TMEM221: variants seen among roughly 807,000 people sequenced by gnomAD.
TMEM221 encodes the protein Putative transmembrane protein ENSP00000342162.
Under a neutral mutation model 10.2 loss-of-function variants are expected in TMEM221, and 11 were observed. The ratio of observed to expected loss-of-function variants is 1.08; its 90% CI spans 0.68 to 1.79. The LOEUF (loss-of-function observed/expected upper bound fraction) is 1.79, where lower values mean the gene tolerates loss of function less well. Among genes scored for constraint, TMEM221 ranks in the 40% most tolerant of loss-of-function variants. TMEM221 has a pLI of 0.00. For missense variants in TMEM221, 382 were observed against 417.7 expected (o/e 0.91, Z 0.75); for synonymous variants, 172 against 199.8 (o/e 0.86, Z 1.18).
intron 2 of TMEM221, among the ~76,000 whole-genome samples, chr19:17,438,995 C>G (rs1453871375): frequency 6.6e-6 from 1 of 150,478 alleles, no homozygotes; most frequent in African/African-American, 2.4e-5. Context: ...ATCACAAGGT[C>G]AGGAGATCGA....
intron 2 of TMEM221, among the ~76,000 whole-genome samples, chr19:17,440,217 A>G (rs1468337391): frequency 7.3e-6 from 1 of 136,994 alleles, no homozygotes; most frequent in African/African-American, 2.7e-5. Flanking sequence ...ACTGGTTAAA[A>G]TGGTATTTTT....
intron 2 of TMEM221, among the ~76,000 whole-genome samples, chr19:17,438,974 G>A (rs1283854877): frequency 2.0e-5 from 3 of 151,322 alleles, no homozygotes; most frequent in South Asian, 2.1e-4. Context: ...TTGGGAGGCC[G>A]ACGTGGGCGG....
chr19:17,448,053 C>A lies in TMEM221; in HGVS notation c.320+90G>T. ...GGAAGTGGGGAGGGAAGCTGTCCCC[C>A]CAGCCTGAGGCCAAAAGAGGGGAAG... On this transcript the variant is annotated intron_variant, in intron 1 of 2. Coordinates refer to ENST00000341130, the MANE Select transcript of TMEM221 (RefSeq NM_001190844.2). The surrounding 1 kb of genome is among the most constrained non-coding windows in gnomAD (Gnocchi z 4.7). 1 of 1,128,530 alleles carries A rather than the reference C, an allele frequency of 8.9e-7. No individual in the cohort carries two copies. The highest frequency in any genetic ancestry group is 1.1e-6 in the Non-Finnish European group (1 of 891,406). 69.9% of individuals were successfully genotyped at this position (1,128,530 alleles called of 1,614,324 possible).
chr19:17,436,430 A>G lies in TMEM221; in HGVS notation c.*28T>C. On this transcript the variant is annotated 3_prime_UTR_variant, in exon 3 of 3. Transcript: ENST00000341130. ...TATCTCTATGGTATCCTTTTCTTAC[A>G]CCAGGTCTCTATTCCTCATCCCTGG... 1 of 1,461,838 alleles carries G rather than the reference A, an allele frequency of 6.8e-7. No individual in the cohort carries two copies. The highest frequency in any genetic ancestry group is 9.1e-7 in the Non-Finnish European group (1 of 1,102,682). 90.6% of individuals were successfully genotyped at this position (1,461,838 alleles called of 1,614,324 possible). A position where few individuals can be genotyped will look rare whatever the true frequency, so the allele number is the denominator to read the frequency against.
chr19:17,444,413 A>G (rs981239931), intron 2 of TMEM221, among the ~76,000 whole-genome samples: 1 of 151,452 alleles, frequency 6.6e-6, no homozygotes, highest in Non-Finnish European at 1.5e-5. Context: ...CACGCAGGCC[A>G]TGAAAATTTT....
intron 2 of TMEM221, among the ~76,000 whole-genome samples, chr19:17,438,976 C>T (rs1203445344): frequency 6.7e-6 from 1 of 150,326 alleles, no homozygotes; most frequent in South Asian, 2.1e-4. Context: ...GGGAGGCCGA[C>T]GTGGGCGGAT....
chr19:17,448,254 A>C lies in TMEM221; in HGVS notation c.209T>G (p.Leu70Arg). 1 of 1,276,854 alleles carries C rather than the reference A, an allele frequency of 7.8e-7. No homozygotes were observed. Among genetic ancestry groups the C allele is most frequent in the Non-Finnish European group, 9.9e-7 (1 of 1,012,874 alleles). The allele number at this position is 1,276,854 out of a possible 1,614,324, so 79.1% of individuals were successfully genotyped here. A position where few individuals can be genotyped will look rare whatever the true frequency, so the allele number is the denominator to read the frequency against. Residue 70 changes from leucine (L) to arginine (R), a missense_variant, in exon 1 of 3, where the codon CTG becomes CGG. By Grantham distance (102) the Leu-to-Arg change is moderately radical (BLOSUM62 -2). Coordinates refer to ENST00000341130, the MANE Select transcript of TMEM221 (RefSeq NM_001190844.2). This position sits in a 1 kb window ranked among gnomAD's most constrained non-coding sequence, Gnocchi z 4.7. ...PEDAAGTLLP[L>R]AAALAALVLV... is the part of the protein sequence containing the mutation. ...CACCAGCGCGGCCAGCGCGGCGGCC[A>C]GCGGCAGCAGCGTCCCGGCCGCGTC...
chr19:17,438,461 T>C (rs1477671620), intron 2 of TMEM221, among the ~76,000 whole-genome samples: 2 of 152,094 alleles, frequency 1.3e-5, no homozygotes, highest in African/African-American at 4.8e-5. Context: ...TGAGCGCAAG[T>C]GGTCCTCTAG....
chr19:17,445,459 C>T (rs2074949311), intron 1 of TMEM221, among the ~76,000 whole-genome samples, 175 bp from the exon 2 acceptor site: 1 of 152,142 alleles, frequency 6.6e-6, no homozygotes, highest in African/African-American at 2.4e-5. Context: ...CCATTTACAT[C>T]CATTTACTTA....
At position 17,436,636 on chromosome 19, in the gene TMEM221, A is replaced by G. The variant is rs1161885676; in HGVS notation, c.698T>C (p.Met233Thr). 7 of 1,536,084 alleles carry G rather than the reference A, an allele frequency of 4.6e-6. No individual in the cohort carries two copies. The highest frequency in any genetic ancestry group is 2.0e-5 in the Admixed American group (1 of 50,990). The change falls in exon 3 of 3, where the codon ATG (methionine) becomes ACG (threonine). Residue 233 changes from methionine to threonine, a missense_variant. Physicochemically the swap from Met to Thr is moderately conservative, Grantham distance 81 (BLOSUM62 -1). Coordinates refer to ENST00000341130, the MANE Select transcript of TMEM221 (RefSeq NM_001190844.2). ...GGCTGCAGGTGCTGTGGCAGTGGCC[A>G]TGGACCCAAAGGGGTCCCCAGGCTC... ...CPEPGDPFGSMATATAPAALE... is the reference protein window; with the variant it reads ...CPEPGDPFGSTATATAPAALE...
chr19:17,448,256 CG>C lies in TMEM221; in HGVS notation c.206del (p.Pro69ArgfsTer66). On this transcript the variant is annotated frameshift_variant, in exon 1 of 3. Transcript: ENST00000341130. LOFTEE classifies it high-confidence loss of function. The surrounding 1 kb of genome is among the most constrained non-coding windows in gnomAD (Gnocchi z 4.7). Reference protein sequence around the residue: ...LPEDAAGTLLPLAAALAALVL... With the variant: ...LPEDAAGTLLXLAAALAALVL... ...CCAGCGCGGCCAGCGCGGCGGCCAG[CG>C]GCAGCAGCGTCCCGGCCGCGTCCTC... The C allele has an allele frequency of 7.8e-7, 1 of 1,275,792 alleles. No homozygotes were observed. 79.0% of individuals were successfully genotyped at this position (1,275,792 alleles called of 1,614,324 possible).
At chr19:17,440,842 C>T (rs1287287150) in intron 2 of TMEM221, among the ~76,000 whole-genome samples, 3 of 152,198 alleles carry the variant, frequency 2.0e-5, no homozygotes, top group Non-Finnish European at 4.4e-5. Context: ...AGGTTTGCCA[C>T]GCCCCAGGCT....
At position 17,448,109 on chromosome 19, in the gene TMEM221, C is replaced by G. The variant is rs1164978212; in HGVS notation, c.320+34G>C. On this transcript the variant is annotated intron_variant, in intron 1 of 2. Transcript: ENST00000341130. The surrounding 1 kb of genome is among the most constrained non-coding windows in gnomAD (Gnocchi z 4.7). ...CAACCAGGCTCACCCAGCCCCCAGC[C>G]GGGCCTCCGAGGCGGTGAGGCCAGT... 7.6e-7 allele frequency: 1 copy of G among 1,319,110 alleles called. No individual in the cohort carries two copies. The highest frequency in any genetic ancestry group is 9.7e-7 in the Non-Finnish European group (1 of 1,034,756). The allele number at this position is 1,319,110 out of a possible 1,614,324, so 81.7% of individuals were successfully genotyped here.
intron 2 of TMEM221, among the ~76,000 whole-genome samples, chr19:17,443,451 G>A (rs149477222): frequency 6.6e-6 from 1 of 151,470 alleles, no homozygotes; most frequent in African/African-American, 2.4e-5. Flanking sequence ...TCAGTCTCCC[G>A]AGTAGCTGGG....
chr19:17,437,202 C>T (rs1292294500), intron 2 of TMEM221, among the ~76,000 whole-genome samples: 2 of 152,186 alleles, frequency 1.3e-5, no homozygotes, highest in Non-Finnish European at 2.9e-5. Context: ...TGGTGGGCTC[C>T]AGAGTCTGTG....
intron 2 of TMEM221, among the ~76,000 whole-genome samples, chr19:17,438,682 C>T (rs1361456816): frequency 6.6e-6 from 1 of 150,742 alleles, no homozygotes; most frequent in Non-Finnish European, 1.5e-5. Context: ...ACTGCAACCT[C>T]TGCCTCTCGG....
chr19:17,443,145 G>T (rs2144502636), intron 2 of TMEM221, among the ~76,000 whole-genome samples: 1 of 152,050 alleles, frequency 6.6e-6, no homozygotes, highest in East Asian at 1.9e-4. Flanking sequence ...GCTGGGCGTG[G>T]TGGTGGGCAC....
intron 1 of TMEM221, 150 bp from the exon 2 acceptor site, chr19:17,445,434 CATCT>C (rs1201385476): frequency 1.7e-6 from 1 of 573,438 alleles, no homozygotes; most frequent in Non-Finnish European, 3.1e-6. Context: ...AACCATCATC[CATCT>C]ACTTGCCCAC....
At chr19:17,447,453 G>A (rs1194697218) in intron 1 of TMEM221, among the ~76,000 whole-genome samples, 2 of 152,140 alleles carry the variant, frequency 1.3e-5, no homozygotes, top group Non-Finnish European at 2.9e-5. Context: ...TTGCTGACCC[G>A]TGGGACCCAT....
Sources: gnomAD v4.1 joint callset for allele counts (sites outside exome capture counted in the v4.1 genomes callset) on GRCh38, gnomAD v4.1.1 for gene constraint, Gnocchi (gnomAD v3.1) non-coding constraint, MANE v1.5 for transcripts, NCBI Gene and HGNC (gene_info 2026-07-23, HGNC 2026-07-21) for gene names.